The following PLPPR4 variants were observed in gnomAD, a reference collection of about 807,000 sequenced individuals.
PLPPR4 encodes the protein phospholipid phosphatase related 4.
PLPPR4 carries 24 observed loss-of-function variants against 56.6 expected under a neutral mutation model. That is an observed-to-expected ratio of 0.42 (90% CI 0.31 to 0.60). PLPPR4 has a LOEUF of 0.60. Ranked by LOEUF, PLPPR4 falls within the 20% of genes least tolerant of loss-of-function variation. The probability of loss-of-function intolerance (pLI) is 0.13; values close to 1 mark genes in which losing one functional copy is unlikely to be tolerated. For synonymous variants in PLPPR4, 326 were observed against 328.1 expected (o/e 0.99, Z 0.07); for missense variants, 654 against 885.8 (o/e 0.74, Z 3.32).
chr1:99,273,504 C>G (rs937464365), intron 1 of PLPPR4, among the ~76,000 whole-genome samples: 1 of 151,956 alleles, frequency 6.6e-6, no homozygotes, highest in African/African-American at 2.4e-5. Context: ...AGGTAAACTG[C>G]CATTTAATGA....
intron 1 of PLPPR4, among the ~76,000 whole-genome samples, chr1:99,280,685 G>A (rs1407645101): frequency 1.3e-5 from 2 of 152,078 alleles, no homozygotes; most frequent in Non-Finnish European, 2.9e-5. Context: ...AGGTTTCAGG[G>A]AGAAAAAAAT....
intron 1 of PLPPR4, among the ~76,000 whole-genome samples, chr1:99,268,822 A>C (rs930187699): frequency 6.6e-6 from 1 of 152,194 alleles, no homozygotes; most frequent in African/African-American, 2.4e-5. Context: ...GAAAAGGTTT[A>C]TCATGCCCTT....
intron 3 of PLPPR4, among the ~76,000 whole-genome samples, chr1:99,297,482 T>A (rs1659771713): frequency 1.3e-5 from 2 of 152,284 alleles, no homozygotes; most frequent in South Asian, 4.1e-4. Context: ...CTAATGTTGT[T>A]CCAGTCATAG....
chr1:99,279,235 T>C (rs1659263426), intron 1 of PLPPR4, among the ~76,000 whole-genome samples: 2 of 152,156 alleles, frequency 1.3e-5, no homozygotes, highest in Non-Finnish European at 2.9e-5. Context: ...CATATGACAA[T>C]TGCTATGATC....
chr1:99,292,927 C>T (rs1212850407), intron 2 of PLPPR4, among the ~76,000 whole-genome samples: 2 of 152,190 alleles, frequency 1.3e-5, no homozygotes, highest in East Asian at 3.8e-4. Flanking sequence ...TCCTTTCCCT[C>T]TCTCTTCCTG....
upstream of PLPPR4, chr1:99,264,178 A>C: frequency 2.0e-6 from 1 of 491,722 alleles, no homozygotes; most frequent in Non-Finnish European, 3.6e-6. Flanking sequence ...TCCTCAGCCT[A>C]ACTACTGCAG....
chr1:99,304,082 C>G (rs1659952777), intron 6 of PLPPR4, among the ~76,000 whole-genome samples: 2 of 152,206 alleles, frequency 1.3e-5, no homozygotes, highest in Admixed American at 1.3e-4. Context: ...GATACTAACT[C>G]TCTGTCCCAT....
chr1:99,296,701 A>T, intron 2 of PLPPR4, 37 bp from the exon 3 acceptor site: 1 of 1,534,450 alleles, frequency 6.5e-7, no homozygotes, highest in Non-Finnish European at 8.8e-7. Context: ...TAGGTATTCC[A>T]ACATGCCTCT....
chr1:99,300,757 G>T, intron 4 of PLPPR4, 152 bp from the exon 5 acceptor site: 1 of 633,652 alleles, frequency 1.6e-6, no homozygotes, highest in Non-Finnish European at 2.9e-6. Flanking sequence ...TATCACTAAG[G>T]TCTTTCACCA....
chr1:99,267,782 A>G (rs1028985801), intron 1 of PLPPR4, among the ~76,000 whole-genome samples: 2 of 152,248 alleles, frequency 1.3e-5, no homozygotes, highest in African/African-American at 4.8e-5. Flanking sequence ...TGGGCTCCAC[A>G]GGCTTCTTGA....
chr1:99,301,669 T>C, intron 5 of PLPPR4, 55 bp from the exon 6 acceptor site: 1 of 1,252,102 alleles, frequency 8.0e-7, no homozygotes, highest in African/African-American at 1.5e-5. Context: ...TTGATTATAA[T>C]TTACTAATAA....
chr1:99,289,208 A>G (rs1382354913), intron 2 of PLPPR4, among the ~76,000 whole-genome samples: 1 of 152,180 alleles, frequency 6.6e-6, no homozygotes, highest in Non-Finnish European at 1.5e-5. Flanking sequence ...GGAAATGGCT[A>G]TTAAATTAAA....
intron 5 of PLPPR4, 126 bp from the exon 6 acceptor site, chr1:99,301,598 A>T: frequency 1.2e-5 from 7 of 592,318 alleles, no homozygotes; most frequent in Non-Finnish European, 2.0e-5. Flanking sequence ...GAACATAGCC[A>T]TAGGAAGAGG....
At chr1:99,297,377 T>G (rs1002236661) in intron 3 of PLPPR4, among the ~76,000 whole-genome samples, 1 of 152,174 alleles carries the variant, frequency 6.6e-6, no homozygotes, top group African/African-American at 2.4e-5. Context: ...TTTCATCTTT[T>G]ATGAGACCTA....
chr1:99,289,845 G>A lies in PLPPR4; in HGVS notation c.264+1695G>A, dbSNP rs1312396306. 1.1e-4 allele frequency among the ~76,000 whole-genome samples: 17 copies of A among 152,038 alleles called. 1 individual carries two copies. Among genetic ancestry groups the A allele is most frequent in the Admixed American group, 1.1e-3 (17 of 15,232 alleles). On this transcript the variant is annotated intron_variant, in intron 2 of 6. Coordinates refer to ENST00000370185, the MANE Select transcript of PLPPR4 (RefSeq NM_014839.5). ...CAAACCCAAACATCATACTGAATGG[G>A]CAAAAGCTTGAAGCATTCCCCATTG...
intron 1 of PLPPR4, among the ~76,000 whole-genome samples, chr1:99,265,892 A>C (rs1050535387): frequency 3.9e-5 from 6 of 152,210 alleles, no homozygotes; most frequent in African/African-American, 1.4e-4. Context: ...AAATAATTTC[A>C]GTTTCAAGAA....
At chr1:99,298,612 G>T (rs911654314) in intron 3 of PLPPR4, among the ~76,000 whole-genome samples, 8 of 152,120 alleles carry the variant, frequency 5.3e-5, no homozygotes, top group African/African-American at 1.9e-4. Flanking sequence ...TGTAGGGTGT[G>T]ATAACTGTGG....
At chr1:99,277,652 A>G (rs1659224675) in intron 1 of PLPPR4, among the ~76,000 whole-genome samples, 1 of 152,098 alleles carries the variant, frequency 6.6e-6, no homozygotes, top group South Asian at 2.1e-4. Flanking sequence ...CTAAAGCTTC[A>G]TCATAAATTC....
chr1:99,273,367 G>T (rs1659105294), intron 1 of PLPPR4, among the ~76,000 whole-genome samples: 1 of 152,020 alleles, frequency 6.6e-6, no homozygotes, highest in African/African-American at 2.4e-5. Flanking sequence ...TGTGGGAAAA[G>T]GTAAACATGG....
Sources: allele counts gnomAD v4.1 joint callset (sites outside exome capture counted in the v4.1 genomes callset), GRCh38; gene constraint gnomAD v4.1.1; transcripts MANE v1.5; gene names NCBI Gene and HGNC (gene_info 2026-07-23, HGNC 2026-07-21).